The following PRKAR1B variants were observed in gnomAD, a reference collection of about 807,000 sequenced individuals.
PRKAR1B encodes the protein cAMP-dependent protein kinase type I-beta regulatory subunit.
Under a neutral mutation model 46.5 loss-of-function variants are expected in PRKAR1B, and 22 were observed. The observed-to-expected ratio is 0.47, with a 90% CI of 0.34 to 0.68. The LOEUF is 0.68. Among genes scored for constraint, PRKAR1B ranks in the 30% least tolerant of loss-of-function variants. PRKAR1B has a pLI of 0.01. For missense variants in PRKAR1B, 445 were observed against 535.6 expected (o/e 0.83, Z 1.67); for synonymous variants, 259 against 217.7 (o/e 1.19, Z -1.67).
At chr7:556,461 C>T (rs528017458) in intron 9 of PRKAR1B, among the ~76,000 whole-genome samples, 10 of 152,274 alleles carry the variant, frequency 6.6e-5, no homozygotes, top group African/African-American at 2.2e-4. Context: ...CGTCCAGGAA[C>T]GGAGTCACAT....
chr7:632,390 A>G (rs62432169), intron 4 of PRKAR1B, among the ~76,000 whole-genome samples: 115,000 of 151,992 alleles, frequency 0.76, 43,995 homozygotes, highest in South Asian at 0.9. Context: ...TGTCTCTCCC[A>G]TCCACTGCCC....
intron 5 of PRKAR1B, 114 bp from the exon 6 acceptor site, chr7:606,353 C>T (rs1782051884): frequency 1.3e-6 from 1 of 788,672 alleles, no homozygotes. Context: ...AAGCAACATC[C>T]TGGGTGCTAC....
chr7:613,305 A>T (rs1782631588), intron 4 of PRKAR1B, among the ~76,000 whole-genome samples: 1 of 151,510 alleles, frequency 6.6e-6, no homozygotes, highest in African/African-American at 2.4e-5. Flanking sequence ...TACATTGTAA[A>T]TCTGTGTAAT....
At chr7:640,911 G>A (rs909857996) in intron 4 of PRKAR1B, among the ~76,000 whole-genome samples, 10 of 151,950 alleles carry the variant, frequency 6.6e-5, no homozygotes, top group Non-Finnish European at 1.2e-4. Flanking sequence ...ACCCTCATAC[G>A]TTGCTGGTGG....
At chr7:683,848 G>A (rs574991590) in intron 2 of PRKAR1B, among the ~76,000 whole-genome samples, 2 of 152,356 alleles carry the variant, frequency 1.3e-5, no homozygotes, top group Non-Finnish European at 2.9e-5. Flanking sequence ...CACCCAGCCC[G>A]ATGTGGCCGT....
chr7:645,167 C>G (rs915160871), intron 4 of PRKAR1B, among the ~76,000 whole-genome samples: 1 of 152,170 alleles, frequency 6.6e-6, no homozygotes, highest in Admixed American at 6.5e-5. Flanking sequence ...ACTCGGCAGG[C>G]AGCAGGCACA....
chr7:713,578 C>T (rs1030656652), intron 1 of PRKAR1B, among the ~76,000 whole-genome samples: 6 of 151,748 alleles, frequency 4.0e-5, no homozygotes, highest in Admixed American at 1.3e-4. Flanking sequence ...CACGTATACA[C>T]ACTCACCGTC....
rs1562593694 is a variant in PRKAR1B, at chr7:657,290, TG to T, written c.440+19938del. 3.8e-4 allele frequency among the ~76,000 whole-genome samples: 58 copies of T among 151,064 alleles called. 1 individual carries two copies. The highest frequency in any genetic ancestry group is 1.4e-3 in the African/African-American group (56 of 41,004). Reference sequence around the variant, plus strand: ...ACGGATGGATGGATGGATGGATGGATGGATGGATGGATGAATGAATGAGTGA... The same window carrying T: ...ACGGATGGATGGATGGATGGATGGATGATGGATGGATGAATGAATGAGTGA... On this transcript the variant is annotated intron_variant, in intron 4 of 10. Coordinates refer to ENST00000537384, the MANE Select transcript of PRKAR1B (RefSeq NM_001164760.2).
chr7:561,403 G>A (rs539122500), intron 9 of PRKAR1B, among the ~76,000 whole-genome samples: 2 of 152,288 alleles, frequency 1.3e-5, no homozygotes, highest in Non-Finnish European at 2.9e-5. Flanking sequence ...TTAAGCAACC[G>A]TTGCAATAAC....
intron 6 of PRKAR1B, among the ~76,000 whole-genome samples, chr7:601,646 C>T (rs1346910174): frequency 2.0e-5 from 3 of 152,208 alleles, no homozygotes; most frequent in Non-Finnish European, 2.9e-5. Context: ...CACTCCCTGA[C>T]GCCCACCCCT....
intron 4 of PRKAR1B, among the ~76,000 whole-genome samples, chr7:620,552 G>A (rs1192559399): frequency 1.3e-5 from 2 of 151,980 alleles, no homozygotes; most frequent in Admixed American, 1.3e-4. Context: ...CATTGTGATG[G>A]GAAGGAATCC....
chr7:727,172 T>A (rs1315872078), intron 1 of PRKAR1B, 38 bp downstream of exon 1: 1 of 1,320,876 alleles, frequency 7.6e-7, no homozygotes, highest in South Asian at 1.8e-5. Context: ...CTGCTGGGCC[T>A]GGCCGTGGAC....
In PRKAR1B at chr7:550,308, C is replaced by T. The variant is rs892367752; in HGVS notation, c.*122G>A. The T allele has an allele frequency of 1.9e-5, 15 of 795,300 alleles. No homozygotes were observed. The highest frequency in any genetic ancestry group is 2.4e-5 in the Non-Finnish European group (12 of 491,376). The allele number at this position is 795,300 out of a possible 1,614,324, so 49.3% of individuals were successfully genotyped here. A position where few individuals can be genotyped will look rare whatever the true frequency, so the allele number is the denominator to read the frequency against. On this transcript the variant is annotated 3_prime_UTR_variant, in exon 11 of 11. Coordinates refer to ENST00000537384, the MANE Select transcript of PRKAR1B (RefSeq NM_001164760.2). ...GAGTCCGGGGAAGGGGCAGTCCTCA[C>T]GCTGCCGGGACCCAGCCCCACCCGG...
chr7:573,423 C>T (rs1403254123), intron 9 of PRKAR1B, among the ~76,000 whole-genome samples: 1 of 152,090 alleles, frequency 6.6e-6, no homozygotes, highest in Non-Finnish European at 1.5e-5. Flanking sequence ...CCCCTCCCCA[C>T]ATGCCCCTCC....
At position 629,380 on chromosome 7, in the gene PRKAR1B, G is replaced by A. The variant is rs1460284172; in HGVS notation, c.441-21928C>T. Among the ~76,000 whole-genome samples, 4 of 137,226 alleles carry A rather than the reference G, an allele frequency of 2.9e-5. 1 individual carries two copies. In the East Asian group the frequency reaches 6.7e-4, roughly 23 times the overall value. The allele number at this position is 137,226 out of a possible 152,430, so 90.0% of individuals were successfully genotyped here. A position where few individuals can be genotyped will look rare whatever the true frequency, so the allele number is the denominator to read the frequency against. The stretch of plus-strand genomic sequence containing the variant: ...CAAGGCTGGAAAATGCTGCAGAAGC[G>A]GGACCACGGCCTCCGAGGGCGCCAC... On this transcript the variant is annotated intron_variant, in intron 4 of 10. Coordinates refer to ENST00000537384, the MANE Select transcript of PRKAR1B (RefSeq NM_001164760.2).
chr7:660,503 C>G (rs143633905), intron 4 of PRKAR1B, among the ~76,000 whole-genome samples: 1,281 of 111,780 alleles, frequency 0.011, 5 homozygotes, highest in East Asian at 0.024. Flanking sequence ...CCCAACAGAT[C>G]CAAATACCTA....
At chr7:625,570 T>C (rs1459364275) in intron 4 of PRKAR1B, among the ~76,000 whole-genome samples, 3 of 150,926 alleles carry the variant, frequency 2.0e-5, no homozygotes, top group East Asian at 2.0e-4. Flanking sequence ...CTACAGGTCC[T>C]ATGGACAAGG....
At chr7:570,634 C>T (rs569105557) in intron 9 of PRKAR1B, among the ~76,000 whole-genome samples, 2 of 152,294 alleles carry the variant, frequency 1.3e-5, no homozygotes, top group Admixed American at 6.5e-5. Context: ...CCACGTGGCA[C>T]GGCCCTCGGC....
chr7:665,592 G>C (rs1785865809), intron 4 of PRKAR1B, among the ~76,000 whole-genome samples: 1 of 152,220 alleles, frequency 6.6e-6, no homozygotes, highest in South Asian at 2.1e-4. Flanking sequence ...TGGGCTTTCT[G>C]CAAATGGAAA....
Sources: allele counts gnomAD v4.1 joint callset (sites outside exome capture counted in the v4.1 genomes callset), GRCh38; gene constraint gnomAD v4.1.1; transcripts MANE v1.5; gene names NCBI Gene and HGNC (gene_info 2026-07-23, HGNC 2026-07-21).